BRINP3: variants seen among roughly 807,000 people sequenced by gnomAD.
BRINP3 encodes BMP/retinoic acid inducible neural specific 3, also known as BMP/retinoic acid-inducible neural-specific protein 3.
A neutral mutation model predicts 71.0 loss-of-function variants in BRINP3; 19 were observed. The observed-to-expected ratio is 0.27, with a 90% CI of 0.19 to 0.39. The LOEUF (loss-of-function observed/expected upper bound fraction) is 0.39. BRINP3 is among the 10% of genes least tolerant of loss of function. The pLI is 1.00. For missense variants in BRINP3, 959 were observed against 940.8 expected (o/e 1.02, Z -0.25); for synonymous variants, 380 against 337.7 (o/e 1.13, Z -1.37).
intron 2 of BRINP3, among the ~76,000 whole-genome samples, chr1:190,282,622 G>A (rs1464413160): frequency 2.0e-5 from 3 of 151,860 alleles, no homozygotes; most frequent in Non-Finnish European, 4.4e-5. Context: ...TTATACACAT[G>A]TGCAATCTTT....
intron 7 of BRINP3, among the ~76,000 whole-genome samples, chr1:190,120,661 ATT>A (rs35320516): frequency 2.6e-4 from 37 of 141,676 alleles, no homozygotes; most frequent in Admixed American, 6.3e-4. Flanking sequence ...CGCCCGGCTA[ATT>A]TTTTTTTTTT....
At chr1:190,449,741 TA>T (rs1675480264) in intron 2 of BRINP3, among the ~76,000 whole-genome samples, 1 of 152,130 alleles carries the variant, frequency 6.6e-6, no homozygotes, top group South Asian at 2.1e-4. Flanking sequence ...GGTTTGGGCT[TA>T]ATTATCAGTG....
At chr1:190,216,943 C>T (rs1212871410) in intron 6 of BRINP3, 1 of 151,686 alleles carries the variant, frequency 6.6e-6, no homozygotes, top group Non-Finnish European at 1.5e-5. Flanking sequence ...ATAAAAATAA[C>T]TTTTAGATAA....
intron 5 of BRINP3, among the ~76,000 whole-genome samples, chr1:190,229,201 C>G (rs75439009): frequency 6.6e-6 from 1 of 151,978 alleles, no homozygotes; most frequent in South Asian, 2.1e-4. Context: ...TCACTTTGAA[C>G]TGTAATAATC....
chr1:190,242,070 T>G (rs1659152273), intron 4 of BRINP3, among the ~76,000 whole-genome samples: 2 of 151,842 alleles, frequency 1.3e-5, no homozygotes, highest in African/African-American at 4.8e-5. Context: ...TTTTACCCAG[T>G]TGAAATATTT....
Position 190,412,441 on chromosome 1 carries a change from TTTTTGTTTTG to T in BRINP3, c.236+42204_236+42213del, listed in dbSNP as rs1202443494. Reference sequence around the variant, plus strand: ...CACTTTTTTTTACTATGTAGTACTTTTTTTGTTTTGTTTTGTTTTTTTTTGTTTTTTTTTT... The same window carrying T: ...CACTTTTTTTTACTATGTAGTACTTTTTTTGTTTTTTTTTGTTTTTTTTTT... On this transcript the variant is annotated intron_variant, in intron 2 of 7. Coordinates refer to ENST00000367462, the MANE Select transcript of BRINP3 (RefSeq NM_199051.3). 2.3e-3 allele frequency among the ~76,000 whole-genome samples: 327 copies of T among 140,146 alleles called. 2 individuals are homozygous for T. Among genetic ancestry groups the T allele is most frequent in the African/African-American group, 7.9e-3 (304 of 38,664 alleles). The allele number at this position is 140,146 out of a possible 152,430, so 91.9% of individuals were successfully genotyped here. A position where few individuals can be genotyped will look rare whatever the true frequency, so the allele number is the denominator to read the frequency against.
At chr1:190,316,888 T>C (rs922910330) in intron 2 of BRINP3, among the ~76,000 whole-genome samples, 3 of 152,044 alleles carry the variant, frequency 2.0e-5, no homozygotes, top group Non-Finnish European at 4.4e-5. Context: ...ATGCTAAAAA[T>C]GTGGCCGGGT....
At chr1:190,150,529 T>G (rs1172796113) in intron 7 of BRINP3, among the ~76,000 whole-genome samples, 1 of 152,314 alleles carries the variant, frequency 6.6e-6, no homozygotes, top group East Asian at 1.9e-4. Context: ...AGAAATGATA[T>G]CATTTGTAAG....
intron 6 of BRINP3, among the ~76,000 whole-genome samples, chr1:190,178,218 A>T (rs1050567996): frequency 1.3e-5 from 2 of 152,158 alleles, no homozygotes; most frequent in Non-Finnish European, 2.9e-5. Flanking sequence ...AGTACTATGG[A>T]CCTATAATTT....
At chr1:190,402,604 T>G (rs950446728) in intron 2 of BRINP3, among the ~76,000 whole-genome samples, 1 of 152,256 alleles carries the variant, frequency 6.6e-6, no homozygotes. Flanking sequence ...ACTTAGGGAA[T>G]GAATATTAAG....
intron 2 of BRINP3, among the ~76,000 whole-genome samples, chr1:190,383,787 CAT>C (rs1375874301): frequency 1.3e-5 from 2 of 151,914 alleles, no homozygotes; most frequent in African/African-American, 4.8e-5. Flanking sequence ...AATTTATAAA[CAT>C]TATACAGATA....
intron 2 of BRINP3, among the ~76,000 whole-genome samples, chr1:190,369,755 C>T (rs1008283838): frequency 3.3e-5 from 5 of 151,646 alleles, no homozygotes; most frequent in Non-Finnish European, 5.9e-5. Flanking sequence ...AGTTTTATAA[C>T]GACTATGAAC....
At chr1:190,418,808 C>A (rs1673171558) in intron 2 of BRINP3, among the ~76,000 whole-genome samples, 1 of 152,048 alleles carries the variant, frequency 6.6e-6, no homozygotes, top group African/African-American at 2.4e-5. Flanking sequence ...ACTCTGGCTT[C>A]ATAACCCAGC....
chr1:190,385,394 A>C (rs1417273412), intron 2 of BRINP3, among the ~76,000 whole-genome samples: 1 of 152,016 alleles, frequency 6.6e-6, no homozygotes, highest in Non-Finnish European at 1.5e-5. Context: ...GAAATAAACA[A>C]ACAACCCCAT....
intron 7 of BRINP3, among the ~76,000 whole-genome samples, chr1:190,132,090 G>T (rs1216553965): frequency 6.6e-6 from 1 of 151,906 alleles, no homozygotes; most frequent in Non-Finnish European, 1.5e-5. Context: ...AAAATGTATG[G>T]AATACTCAGG....
At chr1:190,378,959 C>T (rs150299762) in intron 2 of BRINP3, among the ~76,000 whole-genome samples, 83 of 152,308 alleles carry the variant, frequency 5.4e-4, no homozygotes, top group Admixed American at 1.5e-3. Context: ...TGCCATGAAT[C>T]ACAAAGTATT....
intron 2 of BRINP3, among the ~76,000 whole-genome samples, chr1:190,384,902 A>T (rs1282535255): frequency 6.6e-6 from 1 of 152,064 alleles, no homozygotes; most frequent in Non-Finnish European, 1.5e-5. Flanking sequence ...CAGAGCCCTC[A>T]GAAATAATGC....
chr1:190,391,231 C>T (rs985972329), intron 2 of BRINP3, among the ~76,000 whole-genome samples: 2 of 151,680 alleles, frequency 1.3e-5, no homozygotes, highest in African/African-American at 4.8e-5. Flanking sequence ...ACTCTATGAC[C>T]TCCCTCTGCT....
Position 190,098,023 on chromosome 1 carries a change from T to G in BRINP3, c.2296A>C (p.Ser766Arg). Residue 766 changes from serine (S) to arginine (R), a missense_variant, in exon 8 of 8, where the codon AGT becomes CGT. Transcript: ENST00000367462. ...TMDYDTTKLC[S>R] ...GTTGTGCTTGACATTTATGGTTAACTACATAATTTGGTCGTGTCATAATCC... is the reference window on the plus strand; with the variant it reads ...GTTGTGCTTGACATTTATGGTTAACGACATAATTTGGTCGTGTCATAATCC... The G allele has an allele frequency of 6.2e-7, 1 of 1,601,122 alleles. No homozygotes were observed.
Sources: allele counts gnomAD v4.1 joint callset (sites outside exome capture counted in the v4.1 genomes callset), GRCh38; gene constraint gnomAD v4.1.1; transcripts MANE v1.5; gene names NCBI Gene and HGNC (gene_info 2026-07-23, HGNC 2026-07-21).